The following KHDRBS2 variants were observed in gnomAD, a reference collection of about 807,000 sequenced individuals.
KHDRBS2 encodes the protein KH domain-containing, RNA-binding, signal transduction-associated protein 2.
Under a neutral mutation model 44.3 loss-of-function variants are expected in KHDRBS2, and 26 were observed. That is an observed-to-expected ratio of 0.59 (90% CI 0.43 to 0.81). The LOEUF (loss-of-function observed/expected upper bound fraction) is 0.81, where lower values mean the gene tolerates loss of function less well. Among genes scored for constraint, KHDRBS2 ranks in the 40% least tolerant of loss-of-function variants. The pLI is 0.00. For missense variants in KHDRBS2, 476 were observed against 433.1 expected (o/e 1.10, Z -0.88); for synonymous variants, 194 against 151.1 (o/e 1.28, Z -2.08).
intron 6 of KHDRBS2, among the ~76,000 whole-genome samples, chr6:61,768,818 T>G (rs1295151992): frequency 6.6e-6 from 1 of 152,104 alleles, no homozygotes; most frequent in African/African-American, 2.4e-5. Flanking sequence ...CCTGATTTTT[T>G]GGTCTTATAA....
chr6:61,960,301 C>T (rs1768362325), intron 4 of KHDRBS2, among the ~76,000 whole-genome samples: 1 of 151,908 alleles, frequency 6.6e-6, no homozygotes, highest in Admixed American at 6.6e-5. Context: ...CAAAAACTGC[C>T]CAATTCTAAG....
intron 4 of KHDRBS2, among the ~76,000 whole-genome samples, chr6:61,925,268 A>G (rs1226315869): frequency 1.3e-5 from 2 of 152,178 alleles, no homozygotes; most frequent in Admixed American, 1.3e-4. Flanking sequence ...TATCCAATTT[A>G]CATTGCTATA....
At chr6:61,822,554 C>G (rs1334432827) in intron 6 of KHDRBS2, among the ~76,000 whole-genome samples, 2 of 151,974 alleles carry the variant, frequency 1.3e-5, no homozygotes, top group Non-Finnish European at 2.9e-5. Flanking sequence ...AGGTCTCATT[C>G]TAGCATACTT....
chr6:61,907,996 A>G (rs1324456058), intron 4 of KHDRBS2, among the ~76,000 whole-genome samples: 1 of 152,204 alleles, frequency 6.6e-6, no homozygotes, highest in Non-Finnish European at 1.5e-5. Context: ...AATAGTATTG[A>G]GTTCTAAGAT....
chr6:61,839,402 G>C (rs1478192017), intron 6 of KHDRBS2, among the ~76,000 whole-genome samples: 1 of 151,784 alleles, frequency 6.6e-6, no homozygotes, highest in Non-Finnish European at 1.5e-5. Flanking sequence ...TTTGTAACAG[G>C]GTGAAAAAAA....
At chr6:61,980,572 A>G (rs1773629719) in intron 3 of KHDRBS2, among the ~76,000 whole-genome samples, 1 of 152,126 alleles carries the variant, frequency 6.6e-6, no homozygotes, top group Non-Finnish European at 1.5e-5. Flanking sequence ...TAGACTTGTG[A>G]TCTGAGGGAT....
At chr6:62,143,177 C>G (rs1024399459) in intron 2 of KHDRBS2, among the ~76,000 whole-genome samples, 1 of 151,944 alleles carries the variant, frequency 6.6e-6, no homozygotes, top group South Asian at 2.1e-4. Flanking sequence ...CTTGATGTTT[C>G]AGTCTTCTGA....
intron 4 of KHDRBS2, among the ~76,000 whole-genome samples, chr6:61,930,567 A>G (rs1562462379): frequency 1.5e-5 from 2 of 130,192 alleles, no homozygotes; most frequent in African/African-American, 2.8e-5. Flanking sequence ...AAAAAAAAAA[A>G]GGCTAGTCTA....
At chr6:62,198,663 A>G (rs1464080835) in intron 1 of KHDRBS2, among the ~76,000 whole-genome samples, 1 of 152,196 alleles carries the variant, frequency 6.6e-6, no homozygotes, top group African/African-American at 2.4e-5. Flanking sequence ...AGGTACAAGG[A>G]GGAGCTGGTA....
At chr6:61,560,204 T>C in the KHDRBS2 span, among the ~76,000 whole-genome samples, 1 of 152,176 alleles carries the variant, frequency 6.6e-6, no homozygotes, top group East Asian at 1.9e-4. Context: ...TGTTATTTGT[T>C]TTTTTACTCT....
At chr6:62,284,054 C>T (rs1163085771) in intron 1 of KHDRBS2, among the ~76,000 whole-genome samples, 1 of 152,144 alleles carries the variant, frequency 6.6e-6, no homozygotes, top group Non-Finnish European at 1.5e-5. Context: ...TACATCAGAA[C>T]ATGTTCCTAA....
the KHDRBS2 span, among the ~76,000 whole-genome samples, chr6:61,545,501 C>CTGTGTGTGTG: frequency 1.1e-3 from 160 of 148,438 alleles, no homozygotes; most frequent in East Asian, 2.0e-3. Flanking sequence ...TAGCTAATCT[C>CTGTGTGTGTG]TGTGTGTGTG....
intron 4 of KHDRBS2, among the ~76,000 whole-genome samples, chr6:61,949,210 G>T (rs937490602): frequency 2.0e-5 from 3 of 152,016 alleles, no homozygotes; most frequent in African/African-American, 7.2e-5. Flanking sequence ...AATATTTAAA[G>T]CTACTCAATT....
chr6:61,654,116 A>G, the KHDRBS2 span, among the ~76,000 whole-genome samples: 1 of 152,020 alleles, frequency 6.6e-6, no homozygotes, highest in Non-Finnish European at 1.5e-5. Context: ...CAGTCCTGCT[A>G]TTCTCATATG....
chr6:61,619,122 AT>A, the KHDRBS2 span, among the ~76,000 whole-genome samples: 23 of 152,126 alleles, frequency 1.5e-4, no homozygotes, highest in Admixed American at 1.1e-3. Flanking sequence ...TTAATTAAAA[AT>A]TTTTTTTCAA....
At chr6:61,871,562 C>T (rs1798666726) in intron 6 of KHDRBS2, among the ~76,000 whole-genome samples, 2 of 152,102 alleles carry the variant, frequency 1.3e-5, no homozygotes, top group Admixed American at 6.5e-5. Context: ...ATCAGATTCA[C>T]CAAGGTTGAA....
chr6:61,577,137 T>TG, the KHDRBS2 span, among the ~76,000 whole-genome samples: 89,581 of 150,804 alleles, frequency 0.59, 26,827 homozygotes, highest in Middle Eastern at 0.64. Context: ...GTTTTTGTTT[T>TG]TTTTGTTTTT....
chr6:61,936,045 A>G (rs930043769), intron 4 of KHDRBS2, among the ~76,000 whole-genome samples: 9 of 152,062 alleles, frequency 5.9e-5, no homozygotes, highest in African/African-American at 2.2e-4. Flanking sequence ...TCATCTGTCT[A>G]TGTACTCAGA....
chr6:61,830,713 G>A (rs1791651023), intron 6 of KHDRBS2, among the ~76,000 whole-genome samples: 1 of 152,184 alleles, frequency 6.6e-6, no homozygotes. Context: ...CCTGGGTACA[G>A]GTTAAGGCTA....
Sources: allele counts gnomAD v4.1 joint callset (sites outside exome capture counted in the v4.1 genomes callset), GRCh38; gene constraint gnomAD v4.1.1; transcripts MANE v1.5; gene names NCBI Gene and HGNC (gene_info 2026-07-23, HGNC 2026-07-21).